The following CHMP1A variants were observed in gnomAD, a reference collection of about 807,000 sequenced individuals.
CHMP1A encodes the protein VPS46 homolog A.
Under a neutral mutation model 27.0 loss-of-function variants are expected in CHMP1A, and 17 were observed. That is an observed-to-expected ratio of 0.63 (90% CI 0.43 to 0.95). CHMP1A has a LOEUF of 0.95. CHMP1A is among the 40% of genes least tolerant of loss of function. CHMP1A has a pLI of 0.00. For synonymous variants in CHMP1A, 131 were observed against 107.5 expected (o/e 1.22, Z -1.35); for missense variants, 275 against 264.0 (o/e 1.04, Z -0.29).
At chr16:89,657,482 T>C in intron 1 of CHMP1A, 100 bp downstream of exon 1, 1 of 1,491,872 alleles carries the variant, frequency 6.7e-7, no homozygotes. Flanking sequence ...CGAGCTCTCC[T>C]GAGTCCTGCC....
chr16:89,648,684 A>T (rs1237495066), intron 4 of CHMP1A, among the ~76,000 whole-genome samples: 1 of 151,966 alleles, frequency 6.6e-6, no homozygotes, highest in Non-Finnish European at 1.5e-5. Context: ...TGAGGCCAGG[A>T]GTTTGAGACC....
At chr16:89,648,869 G>GA (rs537637853) in intron 4 of CHMP1A, among the ~76,000 whole-genome samples, 4 of 109,604 alleles carry the variant, frequency 3.6e-5, no homozygotes, top group African/African-American at 6.7e-5. Flanking sequence ...ACTTAAAAAT[G>GA]AAAAGATCAG....
At position 89,646,646 on chromosome 16, in the gene CHMP1A, G is replaced by C; in HGVS notation, c.450C>G (p.Ile150Met). Residue 150 changes from isoleucine to methionine, a missense_variant, in exon 6 of 7, where the codon ATC (isoleucine) becomes ATG (methionine). By Grantham distance (10) the Ile-to-Met change is conservative (BLOSUM62 1). Transcript: ENST00000397901. Reference sequence around the variant, plus strand: ...GGCCATTCTCCTCGGCGATCTGCATGATGAGGCTGTCCACCTGCTCCTGCG... The same window carrying C: ...GGCCATTCTCCTCGGCGATCTGCATCATGAGGCTGTCCACCTGCTCCTGCG... Reference protein sequence around the residue: ...TTPQEQVDSLIMQIAEENGLE... With the variant: ...TTPQEQVDSLMMQIAEENGLE... 1 of 1,610,776 alleles carries C rather than the reference G, an allele frequency of 6.2e-7. No individual in the cohort carries two copies. The highest frequency in any genetic ancestry group is 2.2e-5 in the East Asian group (1 of 44,838).
intron 1 of CHMP1A, among the ~76,000 whole-genome samples, chr16:89,656,293 C>A (rs985175567): frequency 6.6e-6 from 1 of 152,278 alleles, no homozygotes; most frequent in Non-Finnish European, 1.5e-5. Context: ...CCCGCCACCA[C>A]GCCTGGCTAA....
intron 3 of CHMP1A, among the ~76,000 whole-genome samples, chr16:89,649,801 C>G (rs1228636116): frequency 6.6e-6 from 1 of 152,230 alleles, no homozygotes; most frequent in African/African-American, 2.4e-5. Context: ...TGGCCTCGAT[C>G]TCCTGACCTC....
At chr16:89,652,105 C>A (rs2059828923) in intron 2 of CHMP1A, among the ~76,000 whole-genome samples, 1 of 152,250 alleles carries the variant, frequency 6.6e-6, no homozygotes, top group Non-Finnish European at 1.5e-5. Flanking sequence ...CGAGAGAATG[C>A]TGTGGATGCA....
At chr16:89,656,160 G>A (rs562772917) in intron 1 of CHMP1A, among the ~76,000 whole-genome samples, 7 of 152,244 alleles carry the variant, frequency 4.6e-5, no homozygotes, top group South Asian at 2.1e-4. Flanking sequence ...TTTTTGAGAC[G>A]GAGTCTCGCT....
At chr16:89,646,363 C>T (rs953289369) in intron 6 of CHMP1A, among the ~76,000 whole-genome samples, 164 bp downstream of exon 6, 4 of 152,212 alleles carry the variant, frequency 2.6e-5, no homozygotes, top group African/African-American at 4.8e-5. Flanking sequence ...CAGGGCGGCT[C>T]GCTTGGGGGC....
At chr16:89,646,146 G>A (rs1268977022) in intron 6 of CHMP1A, 59 bp from the exon 7 acceptor site, 11 of 1,461,576 alleles carry the variant, frequency 7.5e-6, no homozygotes, top group South Asian at 2.7e-5. Flanking sequence ...TGACCACCAC[G>A]TGCTCCCAGC....
intron 1 of CHMP1A, among the ~76,000 whole-genome samples, chr16:89,654,867 C>T (rs929971817): frequency 4.0e-5 from 6 of 151,766 alleles, no homozygotes; most frequent in African/African-American, 9.7e-5. Context: ...GGCGTGAACC[C>T]GGGAGGCAGA....
At position 89,650,200 on chromosome 16, in the gene CHMP1A, A is replaced by C. The variant is rs554577451; in HGVS notation, c.106-703T>G. Among the ~76,000 whole-genome samples the C allele has an allele frequency of 1.5e-3, 234 of 152,008 alleles. 2 individuals are homozygous for C. The highest frequency in any genetic ancestry group is 5.4e-3 in the African/African-American group (225 of 41,456). On this transcript the variant is annotated intron_variant, in intron 3 of 6. Coordinates refer to ENST00000397901, the MANE Select transcript of CHMP1A (RefSeq NM_002768.5). ...TTTTCTTTTTTTTCTTTTTTTGGAG[A>C]TGGAATCTCGCTCTGTGGCCCAGGA...
In CHMP1A at chr16:89,646,587, T is replaced by C. The variant is rs1337866251; in HGVS notation, c.509A>G (p.Glu170Gly). ...EVLDQLSQLPEGASAVGESSV... is the reference protein window; with the variant it reads ...EVLDQLSQLPGGASAVGESSV... ...GCTCTCGCCCACGGCAGAGGCGCCC[T>C]CGGGCAGCTGGCTGAGCTGGTCCAG... is the stretch of plus-strand genomic sequence containing the variant. Residue 170 changes from glutamate to glycine, a missense_variant, in exon 6 of 7, where the codon GAG becomes GGG. Glu to Gly is a moderately conservative substitution (Grantham distance 98). Transcript: ENST00000397901. 6.9e-6 allele frequency: 11 copies of C among 1,599,606 alleles called. No homozygotes were observed. The highest frequency in any genetic ancestry group is 9.4e-6 in the Non-Finnish European group (11 of 1,174,388).
chr16:89,651,439 A>C, intron 3 of CHMP1A, 130 bp downstream of exon 3: 1 of 638,194 alleles, frequency 1.6e-6, no homozygotes, highest in Non-Finnish European at 2.8e-6. Flanking sequence ...GTGACGATTA[A>C]ATCATGATGT....
Position 89,655,896 on chromosome 16 carries a change from G to A in CHMP1A, c.7+1686C>T, listed in dbSNP as rs112688705. ...CAACCTCGGCCTCCCAAAGTGTTGG[G>A]GTTACAGGCGTGAGCCACCACATCC... is the stretch of plus-strand genomic sequence containing the variant. On this transcript the variant is annotated intron_variant, in intron 1 of 6. Transcript: ENST00000397901. Among the ~76,000 whole-genome samples, 725 of 152,242 alleles carry A rather than the reference G, an allele frequency of 4.8e-3. 6 individuals are homozygous for A. Among genetic ancestry groups the A allele is most frequent in the African/African-American group, 0.017 (695 of 41,550 alleles).
chr16:89,646,767 C>A, intron 5 of CHMP1A, 53 bp from the exon 6 acceptor site: 2 of 1,557,930 alleles, frequency 1.3e-6, no homozygotes, highest in East Asian at 2.3e-5. Context: ...CCATGGGGCC[C>A]CACTCAGCTT....
chr16:89,655,344 G>A (rs2059855937), intron 1 of CHMP1A, among the ~76,000 whole-genome samples: 1 of 143,106 alleles, frequency 7.0e-6, no homozygotes, highest in South Asian at 2.3e-4. Context: ...GTGGGATGCT[G>A]GCCAAACCGC....
intron 1 of CHMP1A, among the ~76,000 whole-genome samples, chr16:89,656,349 G>A (rs1252621513): frequency 6.6e-6 from 1 of 151,632 alleles, no homozygotes; most frequent in African/African-American, 2.4e-5. Context: ...GTGTTAGCCA[G>A]GATGGTCTCG....
At chr16:89,656,919 C>T (rs1048246485) in intron 1 of CHMP1A, among the ~76,000 whole-genome samples, 5 of 150,868 alleles carry the variant, frequency 3.3e-5, no homozygotes, top group Non-Finnish European at 7.4e-5. Context: ...GGGGTCCAGG[C>T]CCTGGGCAAG....
chr16:89,654,000 G>T, intron 1 of CHMP1A, 77 bp from the exon 2 acceptor site: 1 of 1,486,272 alleles, frequency 6.7e-7, no homozygotes, highest in South Asian at 1.1e-5. Context: ...GACTCACTAG[G>T]TTCCTTCTAG....
Sources: gnomAD v4.1 joint callset for allele counts (sites outside exome capture counted in the v4.1 genomes callset) on GRCh38, gnomAD v4.1.1 for gene constraint, MANE v1.5 for transcripts, NCBI Gene and HGNC (gene_info 2026-07-23, HGNC 2026-07-21) for gene names.